MAP4K3: variants seen among roughly 807,000 people sequenced by gnomAD.
MAP4K3 encodes MAPK/ERK kinase kinase kinase 3.
Under a neutral mutation model 143.5 loss-of-function variants are expected in MAP4K3, and 94 were observed. The observed-to-expected ratio is 0.65, with a 90% CI of 0.55 to 0.78. The LOEUF (loss-of-function observed/expected upper bound fraction) is 0.78. Among genes scored for constraint, MAP4K3 ranks in the 30% least tolerant of loss-of-function variants. The pLI is 0.00. For synonymous variants in MAP4K3, 416 were observed against 347.2 expected, an observed-to-expected ratio of 1.20 and a Z score of -2.20; for missense variants, 1,077 against 1,068.1, an observed-to-expected ratio of 1.01 and a Z score of -0.12.
At chr2:39,398,880 C>T (rs1425884508) in intron 1 of MAP4K3, among the ~76,000 whole-genome samples, 1 of 150,874 alleles carries the variant, frequency 6.6e-6, no homozygotes, top group African/African-American at 2.4e-5. Context: ...CTGTCACTAC[C>T]AAAAAATATG....
chr2:39,382,437 T>C (rs186617005), intron 1 of MAP4K3, among the ~76,000 whole-genome samples: 3 of 152,372 alleles, frequency 2.0e-5, no homozygotes, highest in Non-Finnish European at 2.9e-5. Context: ...GTCCTGGCTC[T>C]GCCAGTAACC....
At chr2:39,284,738 G>A (rs1681688695) in intron 21 of MAP4K3, among the ~76,000 whole-genome samples, 1 of 151,586 alleles carries the variant, frequency 6.6e-6, no homozygotes, top group Admixed American at 6.6e-5. Flanking sequence ...CAGCTACTCA[G>A]GAGGCTGAGG....
intron 15 of MAP4K3, among the ~76,000 whole-genome samples, chr2:39,307,311 A>AT (rs1682745121): frequency 6.6e-6 from 1 of 152,056 alleles, no homozygotes; most frequent in South Asian, 2.1e-4. Context: ...TCAATTTCTC[A>AT]TTTTTTCTTA....
At chr2:39,360,330 T>C (rs1332585968) in intron 2 of MAP4K3, among the ~76,000 whole-genome samples, 1 of 152,260 alleles carries the variant, frequency 6.6e-6, no homozygotes, top group Non-Finnish European at 1.5e-5. Flanking sequence ...CATATCACTA[T>C]CAGCATTTTG....
intron 14 of MAP4K3, 44 bp from the exon 15 acceptor site, chr2:39,308,049 C>G (rs1273059501): frequency 3.0e-6 from 4 of 1,345,740 alleles, no homozygotes; most frequent in Non-Finnish European, 4.1e-6. Context: ...TACGCTTAGA[C>G]TAAAAGCCAC....
intron 24 of MAP4K3, among the ~76,000 whole-genome samples, chr2:39,273,567 C>A (rs1403882885): frequency 6.6e-6 from 1 of 151,994 alleles, no homozygotes; most frequent in Non-Finnish European, 1.5e-5. Flanking sequence ...ATCAAGGCCT[C>A]TAAGGACATT....
intron 2 of MAP4K3, among the ~76,000 whole-genome samples, chr2:39,370,321 T>G (rs755907726): frequency 3.9e-5 from 6 of 152,214 alleles, no homozygotes; most frequent in Non-Finnish European, 8.8e-5. Context: ...ACAACTACTC[T>G]ATTCATGATG....
intron 32 of MAP4K3, among the ~76,000 whole-genome samples, 167 bp downstream of exon 32, chr2:39,254,283 G>C (rs1680261039): frequency 6.6e-6 from 1 of 152,208 alleles, no homozygotes; most frequent in Admixed American, 6.5e-5. Context: ...TGGAGAGAGA[G>C]AGAGGTGGAC....
chr2:39,376,720 G>T lies in MAP4K3; in HGVS notation c.154+1346C>A, dbSNP rs866782297. Among the ~76,000 whole-genome samples the T allele has an allele frequency of 5.3e-5, 8 of 152,258 alleles. No individual in the cohort carries two copies. In the Middle Eastern group the frequency reaches 0.014, roughly 259 times the overall value. On this transcript the variant is annotated intron_variant, in intron 2 of 33. Coordinates refer to ENST00000263881, the MANE Select transcript of MAP4K3 (RefSeq NM_003618.4). ...TTAATTAGACCCAGGGTCAAGCAAG[G>T]CTTCCTGAAAGAGAAGGTTTCTTGA...
intron 1 of MAP4K3, among the ~76,000 whole-genome samples, chr2:39,417,498 G>A (rs1324351337): frequency 2.0e-5 from 3 of 151,848 alleles, no homozygotes; most frequent in Non-Finnish European, 4.4e-5. Flanking sequence ...GATTACAGGC[G>A]TGAGCCACCG....
At chr2:39,365,009 G>A (rs1234463932) in intron 2 of MAP4K3, among the ~76,000 whole-genome samples, 1 of 152,074 alleles carries the variant, frequency 6.6e-6, no homozygotes, top group Non-Finnish European at 1.5e-5. Flanking sequence ...TCAGGAAAAA[G>A]ACCTGGAAAG....
chr2:39,392,183 CAAAAAA>C (rs3086434), intron 1 of MAP4K3, among the ~76,000 whole-genome samples: 4 of 69,050 alleles, frequency 5.8e-5, no homozygotes, highest in Admixed American at 4.2e-4. Context: ...CACTCCTACT[CAAAAAA>C]AAAAAAAAAA....
intron 19 of MAP4K3, among the ~76,000 whole-genome samples, chr2:39,288,700 A>T (rs973309537): frequency 6.6e-6 from 1 of 152,180 alleles, no homozygotes; most frequent in Non-Finnish European, 1.5e-5. Context: ...AGATGACTCA[A>T]TGTCTTTATG....
At chr2:39,283,408 G>C (rs190221052) in intron 21 of MAP4K3, among the ~76,000 whole-genome samples, 147 of 152,170 alleles carry the variant, frequency 9.7e-4, no homozygotes, top group Non-Finnish European at 1.2e-3. Flanking sequence ...TTTTAACCCA[G>C]TGTTTATTTG....
intron 12 of MAP4K3, among the ~76,000 whole-genome samples, chr2:39,317,791 T>A (rs1275636592): frequency 6.6e-6 from 1 of 152,044 alleles, no homozygotes; most frequent in African/African-American, 2.4e-5. Context: ...AAGGGAACGG[T>A]TACACACTGC....
chr2:39,255,673 A>G (rs1335935903), intron 31 of MAP4K3, among the ~76,000 whole-genome samples: 1 of 152,200 alleles, frequency 6.6e-6, no homozygotes, highest in Non-Finnish European at 1.5e-5. Context: ...TGGCTCTTCC[A>G]TATAAATTTA....
intron 12 of MAP4K3, chr2:39,323,366 T>C (rs1683381659): frequency 6.6e-6 from 1 of 152,176 alleles, no homozygotes. Context: ...GTTCTTTGAG[T>C]ACATTTTTAA....
chr2:39,317,509 T>C (rs1023114027), intron 12 of MAP4K3, among the ~76,000 whole-genome samples: 5 of 152,062 alleles, frequency 3.3e-5, no homozygotes, highest in African/African-American at 1.2e-4. Context: ...TTGCCAACTA[T>C]GCATTTGACC....
At chr2:39,272,591 A>G (rs1449898168) in intron 24 of MAP4K3, 49 bp from the exon 25 acceptor site, 6 of 1,458,872 alleles carry the variant, frequency 4.1e-6, no homozygotes, top group South Asian at 1.1e-5. Context: ...CATAATGGCA[A>G]TGTAAATCTG....
Sources: gnomAD v4.1 joint callset for allele counts (sites outside exome capture counted in the v4.1 genomes callset) on GRCh38, gnomAD v4.1.1 for gene constraint, MANE v1.5 for transcripts, NCBI Gene and HGNC (gene_info 2026-07-23, HGNC 2026-07-21) for gene names.